HYCC1: variants seen among roughly 807,000 people sequenced by gnomAD.
HYCC1 encodes hyccin PI4KA lipid kinase complex subunit 1, also known as hyccin.
chr7:22,953,149 AAT>A, the HYCC1 span, among the ~76,000 whole-genome samples: 1 of 151,938 alleles, frequency 6.6e-6, no homozygotes, highest in African/African-American at 2.4e-5. Context: ...AATAAAATCC[AAT>A]AGAGAATTGC....
At chr7:22,947,020 T>A in the HYCC1 span, 1 of 1,549,972 alleles carries the variant, frequency 6.5e-7, no homozygotes, top group African/African-American at 1.4e-5. Context: ...CCATCCTCCA[T>A]CATTTTTCTT....
chr7:22,997,747 A>G, the HYCC1 span, among the ~76,000 whole-genome samples: 1 of 152,198 alleles, frequency 6.6e-6, no homozygotes, highest in Non-Finnish European at 1.5e-5. Context: ...GAGAAGTAAT[A>G]TAATTCATAG....
chr7:22,964,463 A>T, the HYCC1 span: 1 of 1,610,972 alleles, frequency 6.2e-7, no homozygotes, highest in Non-Finnish European at 8.5e-7. Context: ...TCCTGAAGAA[A>T]CTGGTATCCT....
At chr7:22,912,639 G>T in the HYCC1 span, among the ~76,000 whole-genome samples, 2 of 152,164 alleles carry the variant, frequency 1.3e-5, no homozygotes, top group African/African-American at 4.8e-5. Context: ...GTGCTTCAGA[G>T]ATTTTTCCTA....
the HYCC1 span, chr7:23,014,102 G>C: frequency 2.1e-6 from 1 of 469,976 alleles, no homozygotes; most frequent in South Asian, 1.5e-5. Context: ...AACCCAGCCG[G>C]GAGAGCCACC....
At chr7:22,984,038 G>T in the HYCC1 span, 1 of 1,574,194 alleles carries the variant, frequency 6.4e-7, no homozygotes, top group South Asian at 1.1e-5. Context: ...AGATGTTTCT[G>T]GTAATGTCTA....
chr7:22,936,151 T>C, the HYCC1 span: 1 of 151,878 alleles, frequency 6.6e-6, no homozygotes, highest in Non-Finnish European at 1.5e-5. Context: ...CACACAAGCA[T>C]GGTGCTTAGG....
the HYCC1 span, among the ~76,000 whole-genome samples, chr7:22,975,149 G>T: frequency 6.6e-6 from 1 of 151,928 alleles, no homozygotes; most frequent in Admixed American, 6.6e-5. Context: ...ATGTTCCTTA[G>T]TTCTATAATA....
the HYCC1 span, chr7:22,976,248 G>A: frequency 6.2e-7 from 1 of 1,613,070 alleles, no homozygotes; most frequent in Non-Finnish European, 8.5e-7. Flanking sequence ...GAGAAACACT[G>A]GGCATGTAAG....
At chr7:22,990,920 ACTCT>A in the HYCC1 span, 2 of 633,854 alleles carry the variant, frequency 3.2e-6, no homozygotes, top group Non-Finnish European at 5.7e-6. Context: ...TGTGTAAATA[ACTCT>A]CTATTGAGAT....
the HYCC1 span, among the ~76,000 whole-genome samples, chr7:22,929,622 G>A: frequency 6.6e-6 from 1 of 152,182 alleles, no homozygotes; most frequent in Non-Finnish European, 1.5e-5. Context: ...TCAGAGAAAT[G>A]CAAATCAAAA....
the HYCC1 span, among the ~76,000 whole-genome samples, chr7:22,979,357 T>C: frequency 6.6e-6 from 1 of 152,222 alleles, no homozygotes; most frequent in African/African-American, 2.4e-5. Context: ...CTTCTGACAG[T>C]TAATCTTCCA....
chr7:22,998,863 T>G, the HYCC1 span, among the ~76,000 whole-genome samples: 1 of 152,216 alleles, frequency 6.6e-6, no homozygotes, highest in African/African-American at 2.4e-5. Context: ...CCCTAAAATA[T>G]GGTCATAATT....
At chr7:22,917,554 G>A in the HYCC1 span, among the ~76,000 whole-genome samples, 1 of 152,170 alleles carries the variant, frequency 6.6e-6, no homozygotes, top group African/African-American at 2.4e-5. Flanking sequence ...CTTGGTCTGG[G>A]TAGACACTTT....
the HYCC1 span, among the ~76,000 whole-genome samples, chr7:23,007,234 C>G: frequency 6.6e-6 from 1 of 152,086 alleles, no homozygotes; most frequent in East Asian, 1.9e-4. Context: ...AAATTTACTT[C>G]TCAGTAATAT....
the HYCC1 span, among the ~76,000 whole-genome samples, chr7:22,969,444 G>A: frequency 6.6e-6 from 1 of 150,962 alleles, no homozygotes; most frequent in South Asian, 2.1e-4. Flanking sequence ...GGGATTACAG[G>A]CATGAGCCAA....
the HYCC1 span, among the ~76,000 whole-genome samples, chr7:22,914,910 C>T: frequency 7.9e-5 from 12 of 152,150 alleles, no homozygotes; most frequent in African/African-American, 2.7e-4. Flanking sequence ...CGTGACTAGC[C>T]CTCTCCCACC....
At chr7:22,915,671 C>T in the HYCC1 span, among the ~76,000 whole-genome samples, 1 of 152,070 alleles carries the variant, frequency 6.6e-6, no homozygotes, top group Non-Finnish European at 1.5e-5. Context: ...CAAGTCCATC[C>T]CCTTCTTAAT....
the HYCC1 span, among the ~76,000 whole-genome samples, chr7:22,914,615 C>A: frequency 1.3e-5 from 2 of 152,168 alleles, no homozygotes; most frequent in Non-Finnish European, 2.9e-5. Flanking sequence ...GGGTGCCTGA[C>A]GTCCAGGCAT....
Sources: allele counts gnomAD v4.1 joint callset (sites outside exome capture counted in the v4.1 genomes callset), GRCh38; gene constraint gnomAD v4.1.1; transcripts MANE v1.5; gene names NCBI Gene and HGNC (gene_info 2026-07-23, HGNC 2026-07-21).